The following RUNX1T1 variants were observed in gnomAD, a reference collection of about 807,000 sequenced individuals.
RUNX1T1 encodes protein CBFA2T1.
RUNX1T1 carries 4 observed loss-of-function variants against 62.8 expected under a neutral mutation model. That is an observed-to-expected ratio of 0.06 (90% CI 0.03 to 0.15). The LOEUF is 0.15. Among genes scored for constraint, RUNX1T1 ranks in the 10% least tolerant of loss-of-function variants. The pLI, the probability that RUNX1T1 is intolerant of heterozygous loss-of-function variation, is 1.00. For synonymous variants in RUNX1T1, 291 were observed against 286.0 expected, an observed-to-expected ratio of 1.02 and a Z score of -0.18; for missense variants, 508 against 754.3, an observed-to-expected ratio of 0.67 and a Z score of 3.82.
intron 1 of RUNX1T1, among the ~76,000 whole-genome samples, chr8:92,042,398 C>CT (rs1828631148): frequency 6.6e-6 from 1 of 152,198 alleles, no homozygotes; most frequent in African/African-American, 2.4e-5. Context: ...ACTGTAGCCT[C>CT]TAATGCCTGG....
downstream of RUNX1T1, chr8:91,958,728 C>CAA (rs34044770): frequency 1.2e-4 from 16 of 130,172 alleles, no homozygotes; most frequent in East Asian, 9.1e-4. Flanking sequence ...AGAATTTGCT[C>CAA]AAAAAAAAAA....
exon 11 of RUNX1T1, chr8:91,959,466 G>A (rs11997975): frequency 0.04 from 3,530 of 89,012 alleles, 302 homozygotes; most frequent in African/African-American, 0.2. Context: ...GTGTGTGTGT[G>A]TATATGTGCG....
intron 1 of RUNX1T1, among the ~76,000 whole-genome samples, chr8:92,018,513 G>A (rs1227943921): frequency 6.6e-6 from 1 of 152,260 alleles, no homozygotes; most frequent in African/African-American, 2.4e-5. Context: ...GGCACCTCTT[G>A]CAGTTATAGA....
intron 1 of RUNX1T1, chr8:92,017,744 C>A: frequency 1.4e-6 from 1 of 716,466 alleles, no homozygotes; most frequent in Non-Finnish European, 1.8e-6. Context: ...TCAGAAATAA[C>A]AAAAACCTGA....
chr8:91,965,147 T>C (rs1445710411), intron 10 of RUNX1T1, among the ~76,000 whole-genome samples: 1 of 152,188 alleles, frequency 6.6e-6, no homozygotes, highest in Non-Finnish European at 1.5e-5. Context: ...ATTAGAAGGC[T>C]GATGGTCCCA....
chr8:91,989,372 T>C (rs561845169), intron 6 of RUNX1T1, among the ~76,000 whole-genome samples: 1 of 152,328 alleles, frequency 6.6e-6, no homozygotes, highest in East Asian at 1.9e-4. Context: ...TGCCAGACTT[T>C]AGGGATGGTT....
intron 1 of RUNX1T1, 65 bp from the exon 3 acceptor site, chr8:92,017,428 TTA>T: frequency 6.2e-7 from 1 of 1,612,442 alleles, no homozygotes; most frequent in Non-Finnish European, 8.5e-7. Context: ...CAAGTGGGGT[TTA>T]TCTTTTTTAA....
intron 5 of RUNX1T1, among the ~76,000 whole-genome samples, chr8:92,000,668 A>G (rs1276143951): frequency 6.6e-6 from 1 of 152,210 alleles, no homozygotes; most frequent in Non-Finnish European, 1.5e-5. Flanking sequence ...TCTCACAAAT[A>G]CAACCAACAT....
chr8:92,030,543 G>A lies in RUNX1T1; in HGVS notation c.8-13180C>T, dbSNP rs578191983. On this transcript the variant is annotated intron_variant, in intron 1 of 10. Coordinates refer to ENST00000396218, the Ensembl canonical transcript of RUNX1T1. ...TAGAAAGAATAAAATAACAACTGAC[G>A]ATAATAATGAAATCACTTTCTCATA... Among the ~76,000 whole-genome samples the A allele has an allele frequency of 1.1e-4, 17 of 152,282 alleles. 1 individual carries two copies. In the South Asian group the frequency reaches 3.5e-3, roughly 32 times the overall value.
exon 6 of RUNX1T1, chr8:91,991,693 C>A: frequency 6.2e-7 from 1 of 1,614,068 alleles, no homozygotes; most frequent in Non-Finnish European, 8.5e-7. Context: ...CGATAGGAGT[C>A]CCTGTAGTGG....
chr8:92,028,368 C>A (rs1271013346), intron 1 of RUNX1T1, among the ~76,000 whole-genome samples: 2 of 152,060 alleles, frequency 1.3e-5, no homozygotes, highest in Non-Finnish European at 2.9e-5. Flanking sequence ...GGATGCCAGG[C>A]ATTACTTGTA....
intron 8 of RUNX1T1, among the ~76,000 whole-genome samples, chr8:91,985,534 A>C (rs1816368201): frequency 6.6e-6 from 1 of 152,214 alleles, no homozygotes; most frequent in South Asian, 2.1e-4. Context: ...AATCACAGGA[A>C]GGGTGCTACA....
At chr8:92,050,562 C>T (rs566460178) in intron 1 of RUNX1T1, among the ~76,000 whole-genome samples, 7 of 152,240 alleles carry the variant, frequency 4.6e-5, no homozygotes, top group African/African-American at 1.4e-4. Flanking sequence ...GAGAAACATA[C>T]GCTAAATAAC....
At chr8:92,083,415 C>A (rs79348410) in intron 1 of RUNX1T1, among the ~76,000 whole-genome samples, 2 of 152,100 alleles carry the variant, frequency 1.3e-5, no homozygotes, top group Non-Finnish European at 2.9e-5. Context: ...AAAAAAACAA[C>A]CCCATCAAAA....
intron 2 of RUNX1T1, among the ~76,000 whole-genome samples, chr8:92,072,969 T>C (rs1405311552): frequency 6.6e-6 from 1 of 152,212 alleles, no homozygotes; most frequent in Non-Finnish European, 1.5e-5. Context: ...ATACTACCTA[T>C]ATATCCCATT....
At chr8:92,057,469 G>A (rs1407650382) in intron 1 of RUNX1T1, among the ~76,000 whole-genome samples, 1 of 152,184 alleles carries the variant, frequency 6.6e-6, no homozygotes, top group Non-Finnish European at 1.5e-5. Context: ...AAGCTGTAGT[G>A]AAAATCAGAA....
intron 5 of RUNX1T1, 144 bp from the exon 7 acceptor site, chr8:91,992,033 C>A (rs375698481): frequency 3.6e-6 from 3 of 843,220 alleles, no homozygotes; most frequent in Non-Finnish European, 5.4e-6. Flanking sequence ...AGAAAACATA[C>A]GGGAATTCAC....
chr8:91,977,714 AC>A (rs971792063), intron 8 of RUNX1T1, among the ~76,000 whole-genome samples: 42 of 152,358 alleles, frequency 2.8e-4, no homozygotes, highest in African/African-American at 9.6e-4. Context: ...AAAGAAAAAA[AC>A]GTGACTTCAA....
intron 1 of RUNX1T1, among the ~76,000 whole-genome samples, chr8:92,038,301 C>T (rs1827799361): frequency 1.3e-5 from 2 of 151,858 alleles, no homozygotes; most frequent in African/African-American, 4.8e-5. Flanking sequence ...CAGTGTCTGG[C>T]ATAGAAGTAT....
Sources: allele counts gnomAD v4.1 joint callset (sites outside exome capture counted in the v4.1 genomes callset), GRCh38; gene constraint gnomAD v4.1.1; transcripts MANE v1.5; gene names NCBI Gene and HGNC (gene_info 2026-07-23, HGNC 2026-07-21).